PLEKHA2: variants seen among roughly 807,000 people sequenced by gnomAD.
PLEKHA2 encodes pleckstrin homology domain containing A2.
Under a neutral mutation model 53.2 loss-of-function variants are expected in PLEKHA2, and 28 were observed. The ratio of observed to expected loss-of-function variants is 0.53; its 90% CI spans 0.39 to 0.72. PLEKHA2 has a LOEUF of 0.72. Ranked by LOEUF, PLEKHA2 falls within the 30% of genes least tolerant of loss-of-function variation. The probability of loss-of-function intolerance (pLI) is 0.00; values close to 1 mark genes in which losing one functional copy is unlikely to be tolerated. For synonymous variants in PLEKHA2, 193 were observed against 196.4 expected, an observed-to-expected ratio of 0.98 and a Z score of 0.14; for missense variants, 426 against 537.9, an observed-to-expected ratio of 0.79 and a Z score of 2.06.
chr8:38,941,983 G>A (rs543406851), intron 3 of PLEKHA2, among the ~76,000 whole-genome samples: 1 of 152,252 alleles, frequency 6.6e-6, no homozygotes, highest in Admixed American at 6.5e-5. Flanking sequence ...AGAGCCAAGA[G>A]TAAGAACCTA....
At chr8:38,907,179 G>A (rs1833889921) in intron 1 of PLEKHA2, among the ~76,000 whole-genome samples, 1 of 152,120 alleles carries the variant, frequency 6.6e-6, no homozygotes. Flanking sequence ...GAAATTCCTT[G>A]TCCTGCTAAC....
intron 1 of PLEKHA2, among the ~76,000 whole-genome samples, chr8:38,902,433 G>A (rs777501464): frequency 6.6e-6 from 1 of 152,102 alleles, no homozygotes; most frequent in East Asian, 1.9e-4. Flanking sequence ...CCTTCTTCCT[G>A]CCCGCCCCCT....
chr8:38,953,648 G>A (rs911193270), intron 9 of PLEKHA2, among the ~76,000 whole-genome samples: 2 of 152,180 alleles, frequency 1.3e-5, no homozygotes, highest in Non-Finnish European at 2.9e-5. Flanking sequence ...GAAACAAAGA[G>A]TGGGGCTCCG....
chr8:38,928,895 G>A (rs1834336930), intron 2 of PLEKHA2, among the ~76,000 whole-genome samples: 1 of 152,192 alleles, frequency 6.6e-6, no homozygotes, highest in Admixed American at 6.5e-5. Flanking sequence ...GCAGCAGGTA[G>A]AGCCACGGCC....
chr8:38,910,059 T>G (rs1284866984), intron 1 of PLEKHA2, among the ~76,000 whole-genome samples: 1 of 151,444 alleles, frequency 6.6e-6, no homozygotes, highest in Non-Finnish European at 1.5e-5. Context: ...AGGGCTCAAG[T>G]GATCCTCCTA....
chr8:38,918,171 A>G (rs1834095796), intron 2 of PLEKHA2, 101 bp downstream of exon 2: 1 of 1,430,904 alleles, frequency 7.0e-7, no homozygotes, highest in African/African-American at 1.4e-5. Context: ...CGTGAGCAAC[A>G]CAACCTGCTG....
intron 2 of PLEKHA2, among the ~76,000 whole-genome samples, chr8:38,930,185 T>C (rs1224628322): frequency 6.6e-6 from 1 of 150,910 alleles, no homozygotes; most frequent in Non-Finnish European, 1.5e-5. Flanking sequence ...AAACCACCTA[T>C]CTTTATTTAT....
chr8:38,951,090 T>A lies in PLEKHA2; in HGVS notation c.486+100T>A, dbSNP rs1372514508. 1.1e-5 allele frequency: 3 copies of A among 283,332 alleles called. 1 individual carries two copies. Among genetic ancestry groups the A allele is most frequent in the Non-Finnish European group, 1.4e-5 (3 of 214,900 alleles). 17.6% of individuals were successfully genotyped at this position (283,332 alleles called of 1,614,324 possible). On this transcript the variant is annotated intron_variant, in intron 6 of 11. Coordinates refer to ENST00000617275, the MANE Select transcript of PLEKHA2 (RefSeq NM_021623.2). ...AGCACTGTACTGGGGAAAAGGAGGG[T>A]GGGAGTGGGGGGCAGCTGGTGCCAG...
At chr8:38,907,775 A>AC (rs398007542) in intron 1 of PLEKHA2, among the ~76,000 whole-genome samples, 1 of 150,590 alleles carries the variant, frequency 6.6e-6, no homozygotes, top group African/African-American at 2.4e-5. Context: ...AAAAAAAAAA[A>AC]TTAATCTATT....
chr8:38,957,307 C>G lies in PLEKHA2; in HGVS notation c.774-16C>G, dbSNP rs768048107. The G allele has an allele frequency of 2.1e-5, 33 of 1,604,084 alleles. No individual in the cohort carries two copies. The highest frequency in any genetic ancestry group is 7.7e-5 in the South Asian group (7 of 90,866). ...ATGTCAGCACGCCATAACATTCTTTCTCTTTCTCTGTCTAGTGATCTCTTA... is the reference window on the plus strand; with the variant it reads ...ATGTCAGCACGCCATAACATTCTTTGTCTTTCTCTGTCTAGTGATCTCTTA... On this transcript the variant is annotated splice_polypyrimidine_tract_variant and intron_variant, in intron 9 of 11. Coordinates refer to ENST00000617275, the MANE Select transcript of PLEKHA2 (RefSeq NM_021623.2).
intron 7 of PLEKHA2, 135 bp downstream of exon 7, chr8:38,952,447 G>T (rs1427263183): frequency 7.1e-7 from 1 of 1,405,434 alleles, no homozygotes; most frequent in Admixed American, 2.2e-5. Flanking sequence ...TTGAGGGTGA[G>T]ATTTTGGGAC....
At chr8:38,928,631 C>T (rs1413312155) in intron 2 of PLEKHA2, among the ~76,000 whole-genome samples, 1 of 152,074 alleles carries the variant, frequency 6.6e-6, no homozygotes, top group African/African-American at 2.4e-5. Context: ...ACTTAACACA[C>T]AATGAAACTT....
chr8:38,923,088 A>C (rs6474512), intron 2 of PLEKHA2, among the ~76,000 whole-genome samples: 74,903 of 152,030 alleles, frequency 0.49, 18,781 homozygotes, highest in Non-Finnish European at 0.53. Context: ...ATCCTGGCAA[A>C]TCATTATAAC....
At chr8:38,936,314 CAGG>C (rs1215080528) in intron 3 of PLEKHA2, among the ~76,000 whole-genome samples, 1 of 152,174 alleles carries the variant, frequency 6.6e-6, no homozygotes, top group Admixed American at 6.5e-5. Context: ...AGCTCCTGCG[CAGG>C]AGGTGTTATG....
intron 1 of PLEKHA2, chr8:38,902,128 T>TCTC (rs1833796685): frequency 6.6e-6 from 1 of 150,692 alleles, no homozygotes; most frequent in Admixed American, 6.7e-5. Context: ...TCTCACCAAC[T>TCTC]TCTTCCTCAC....
chr8:38,972,153 A>G lies in PLEKHA2; in HGVS notation c.*2370A>G, dbSNP rs1207611071. The G allele has an allele frequency of 6.6e-6, 1 of 152,146 alleles. No individual in the cohort carries two copies. The highest frequency in any genetic ancestry group is 1.9e-4 in the East Asian group (1 of 5,202). 9.4% of individuals were successfully genotyped at this position (152,146 alleles called of 1,614,324 possible). ...TCTTGTCAATTGGCAAACACTTGGGAATTCCACATTAGAGCATTGCTTGTT... is the reference window on the plus strand; with the variant it reads ...TCTTGTCAATTGGCAAACACTTGGGGATTCCACATTAGAGCATTGCTTGTT... On this transcript the variant is annotated 3_prime_UTR_variant, in exon 12 of 12. Coordinates refer to ENST00000617275, the MANE Select transcript of PLEKHA2 (RefSeq NM_021623.2).
chr8:38,909,174 T>C (rs899724426), intron 1 of PLEKHA2, among the ~76,000 whole-genome samples: 4 of 151,912 alleles, frequency 2.6e-5, no homozygotes, highest in Admixed American at 6.6e-5. Flanking sequence ...TTTCTAACCA[T>C]TGTGTTGTTC....
chr8:38,921,422 A>G (rs1453638439), intron 2 of PLEKHA2, among the ~76,000 whole-genome samples: 1 of 152,092 alleles, frequency 6.6e-6, no homozygotes, highest in African/African-American at 2.4e-5. Context: ...CTTTCTTCAC[A>G]CCCTGGGTCA....
rs182525040 is a variant in PLEKHA2, at chr8:38,936,175, C to A, written c.198+125C>A. On this transcript the variant is annotated intron_variant, in intron 3 of 11. Transcript: ENST00000617275. The stretch of plus-strand genomic sequence containing the variant: ...ACGTTGCATGGTGTTGAAATGCTCC[C>A]CTGAACCCACACAATGCCTGTGGAG... The A allele has an allele frequency of 5.1e-6, 5 of 988,974 alleles. No individual in the cohort carries two copies. The East Asian group carries it at 1.0e-4, about 21-fold the overall frequency. The allele number at this position is 988,974 out of a possible 1,614,324, so 61.3% of individuals were successfully genotyped here. A position where few individuals can be genotyped will look rare whatever the true frequency, so the allele number is the denominator to read the frequency against.
Sources: allele counts gnomAD v4.1 joint callset (sites outside exome capture counted in the v4.1 genomes callset), GRCh38; gene constraint gnomAD v4.1.1; transcripts MANE v1.5; gene names NCBI Gene and HGNC (gene_info 2026-07-23, HGNC 2026-07-21).